LRRC37A2: variants seen among roughly 807,000 people sequenced by gnomAD.
LRRC37A2 encodes the protein leucine-rich repeat-containing protein 37A2.
In LRRC37A2, 9 loss-of-function variants were observed where a neutral mutation model predicts 68.8. The ratio of observed to expected loss-of-function variants is 0.13; its 90% confidence interval spans 0.08 to 0.23. The LOEUF (loss-of-function observed/expected upper bound fraction) is 0.23. Among genes scored for constraint, LRRC37A2 ranks in the 10% least tolerant of loss-of-function variants. The pLI, the probability that LRRC37A2 is intolerant of heterozygous loss-of-function variation, is 1.00. For synonymous variants in LRRC37A2, 63 were observed against 367.6 expected (o/e 0.17, Z 9.48); for missense variants, 168 against 950.4 (o/e 0.18, Z 10.82).
chr17:46,448,234 C>T, the LRRC37A2 span, among the ~76,000 whole-genome samples: 2 of 90,428 alleles, frequency 2.2e-5, no homozygotes, highest in East Asian at 2.7e-4. Flanking sequence ...GGTGGATGGG[C>T]TATGTTGATC....
chr17:47,000,059 A>G, the LRRC37A2 span, among the ~76,000 whole-genome samples: 2 of 40,570 alleles, frequency 4.9e-5, 1 homozygote, highest in Non-Finnish European at 1.2e-4. Flanking sequence ...AAAATAAAAT[A>G]AAATTAAAAT....
the LRRC37A2 span, among the ~76,000 whole-genome samples, chr17:46,497,457 G>A: frequency 1.5e-5 from 2 of 133,240 alleles, no homozygotes; most frequent in Non-Finnish European, 3.2e-5. Context: ...TTATATCTGT[G>A]CTGTGTTTTT....
At chr17:46,905,289 T>A in the LRRC37A2 span, among the ~76,000 whole-genome samples, 1 of 152,130 alleles carries the variant, frequency 6.6e-6, no homozygotes, top group Non-Finnish European at 1.5e-5. Context: ...TTGGCCAGGC[T>A]GGTCTCGAAC....
the LRRC37A2 span, among the ~76,000 whole-genome samples, chr17:46,984,747 G>A: frequency 6.6e-6 from 1 of 152,324 alleles, no homozygotes; most frequent in South Asian, 2.1e-4. Context: ...GAAGGAAAAT[G>A]CTTAAATCTG....
chr17:47,008,121 T>C, the LRRC37A2 span, among the ~76,000 whole-genome samples: 1 of 151,682 alleles, frequency 6.6e-6, no homozygotes, highest in Admixed American at 6.6e-5. Flanking sequence ...ATTTTTTTTT[T>C]TTTTTTTGAG....
At chr17:46,741,077 A>G in the LRRC37A2 span, among the ~76,000 whole-genome samples, 1 of 152,196 alleles carries the variant, frequency 6.6e-6, no homozygotes, top group Non-Finnish European at 1.5e-5. Flanking sequence ...AAATTACACA[A>G]ATAAAAACAG....
the LRRC37A2 span, among the ~76,000 whole-genome samples, chr17:46,798,924 T>C: frequency 6.6e-6 from 1 of 151,944 alleles, no homozygotes; most frequent in East Asian, 1.9e-4. Flanking sequence ...GGTGCGTGCC[T>C]GTAGTCCCAG....
the LRRC37A2 span, among the ~76,000 whole-genome samples, chr17:46,919,070 T>C: frequency 1.3e-5 from 2 of 152,348 alleles, no homozygotes; most frequent in Non-Finnish European, 1.5e-5. Flanking sequence ...GTATAGATGT[T>C]TACCTCCCAG....
the LRRC37A2 span, among the ~76,000 whole-genome samples, chr17:46,745,402 G>A: frequency 6.6e-6 from 1 of 152,194 alleles, no homozygotes; most frequent in African/African-American, 2.4e-5. Flanking sequence ...CCTCTTTGCA[G>A]TTTTTGGAGT....
the LRRC37A2 span, among the ~76,000 whole-genome samples, chr17:46,476,480 G>A: frequency 2.3e-4 from 21 of 89,460 alleles, no homozygotes; most frequent in African/African-American, 5.5e-4. Context: ...CCAGTTGTTC[G>A]AGACCAGCCT....
At chr17:46,796,828 G>A in the LRRC37A2 span, among the ~76,000 whole-genome samples, 2 of 152,176 alleles carry the variant, frequency 1.3e-5, no homozygotes, top group Non-Finnish European at 2.9e-5. Context: ...ATTCCTGAGT[G>A]CATTCATTCA....
At chr17:46,794,235 G>A in the LRRC37A2 span, among the ~76,000 whole-genome samples, 11 of 152,028 alleles carry the variant, frequency 7.2e-5, no homozygotes, top group Non-Finnish European at 1.3e-4. Context: ...GGCATTTCTG[G>A]GACATTGATG....
At chr17:46,965,305 C>T in the LRRC37A2 span, among the ~76,000 whole-genome samples, 1 of 152,200 alleles carries the variant, frequency 6.6e-6, no homozygotes, top group Non-Finnish European at 1.5e-5. Flanking sequence ...TTTTCTGCAT[C>T]CTCCCTGGTG....
the LRRC37A2 span, chr17:46,964,603 A>G: frequency 6.6e-6 from 1 of 152,302 alleles, no homozygotes; most frequent in Non-Finnish European, 1.5e-5. Context: ...CTCAGAGACC[A>G]TCTAGTCCAG....
At chr17:46,896,331 G>A in the LRRC37A2 span, among the ~76,000 whole-genome samples, 1 of 146,786 alleles carries the variant, frequency 6.8e-6, no homozygotes, top group Non-Finnish European at 1.5e-5. Flanking sequence ...AAGAGAGAAA[G>A]AGAGAGAGAG....
At chr17:46,491,117 G>A in the LRRC37A2 span, among the ~76,000 whole-genome samples, 2 of 150,754 alleles carry the variant, frequency 1.3e-5, no homozygotes, top group East Asian at 1.9e-4. Flanking sequence ...GGCTGGTGTC[G>A]AACTCCTGAG....
chr17:46,807,057 G>A, the LRRC37A2 span, among the ~76,000 whole-genome samples: 17 of 152,180 alleles, frequency 1.1e-4, no homozygotes, highest in Admixed American at 2.6e-4. Context: ...GGCCAGGAAC[G>A]AGAGACAGTC....
the LRRC37A2 span, among the ~76,000 whole-genome samples, chr17:46,987,167 C>T: frequency 2.0e-5 from 3 of 152,048 alleles, no homozygotes; most frequent in East Asian, 1.9e-4. Flanking sequence ...CGCTTGAACT[C>T]GGGAGGCGGA....
chr17:46,782,389 C>T, the LRRC37A2 span, among the ~76,000 whole-genome samples: 1 of 152,148 alleles, frequency 6.6e-6, no homozygotes, highest in Non-Finnish European at 1.5e-5. Flanking sequence ...CTGTCAACCC[C>T]ACAACAGGCC....
Sources: gnomAD v4.1 joint callset for allele counts (sites outside exome capture counted in the v4.1 genomes callset) on GRCh38, gnomAD v4.1.1 for gene constraint, MANE v1.5 for transcripts, NCBI Gene and HGNC (gene_info 2026-07-23, HGNC 2026-07-21) for gene names.